PACSIN2: variants seen among roughly 807,000 people sequenced by gnomAD.
PACSIN2 encodes the protein protein kinase C and casein kinase substrate in neurons 2.
PACSIN2 carries 25 observed loss-of-function variants against 63.8 expected under a neutral mutation model. That is an observed-to-expected ratio of 0.39 (90% CI 0.29 to 0.55). PACSIN2 has a LOEUF of 0.55. Among genes scored for constraint, PACSIN2 ranks in the 20% least tolerant of loss-of-function variants. The probability of loss-of-function intolerance (pLI) is 0.62; values close to 1 mark genes in which losing one functional copy is unlikely to be tolerated. For synonymous variants in PACSIN2, 255 were observed against 256.2 expected (o/e 1.00, Z 0.05); for missense variants, 518 against 646.9 (o/e 0.80, Z 2.16).
intron 2 of PACSIN2, among the ~76,000 whole-genome samples, chr22:42,898,179 C>T (rs935832865): frequency 3.3e-5 from 5 of 152,180 alleles, no homozygotes; most frequent in Middle Eastern, 3.4e-3. Context: ...GGACAAAGGT[C>T]GTGGGAATCC....
intron 1 of PACSIN2, among the ~76,000 whole-genome samples, chr22:42,993,406 C>T (rs911131257): frequency 6.6e-6 from 1 of 152,114 alleles, no homozygotes; most frequent in Non-Finnish European, 1.5e-5. Flanking sequence ...CAAAACTTAT[C>T]GCCTGTTCAT....
intron 1 of PACSIN2, among the ~76,000 whole-genome samples, chr22:42,982,918 A>G (rs1922323498): frequency 6.9e-6 from 1 of 145,016 alleles, no homozygotes; most frequent in Non-Finnish European, 1.5e-5. Flanking sequence ...GCAGTGGCTC[A>G]CACCTGTAAT....
At chr22:42,938,508 G>A (rs1411191019) in intron 1 of PACSIN2, among the ~76,000 whole-genome samples, 2 of 152,216 alleles carry the variant, frequency 1.3e-5, no homozygotes, top group Non-Finnish European at 2.9e-5. Flanking sequence ...AGCAGGTAGG[G>A]AATCTTTTTC....
At chr22:42,926,173 A>G (rs1035315869) in intron 1 of PACSIN2, among the ~76,000 whole-genome samples, 2 of 152,224 alleles carry the variant, frequency 1.3e-5, no homozygotes, top group African/African-American at 2.4e-5. Flanking sequence ...AAAGTGACTT[A>G]TATCTCTCTG....
At chr22:42,971,896 C>T (rs1365403617) in intron 1 of PACSIN2, among the ~76,000 whole-genome samples, 1 of 145,894 alleles carries the variant, frequency 6.9e-6, no homozygotes, top group Non-Finnish European at 1.5e-5. Flanking sequence ...AGGTGGGGGG[C>T]AGCCTCCACC....
intron 1 of PACSIN2, among the ~76,000 whole-genome samples, chr22:42,951,599 C>T (rs183281639): frequency 1.3e-5 from 2 of 152,332 alleles, no homozygotes; most frequent in East Asian, 3.9e-4. Flanking sequence ...CACAGCTGCT[C>T]AGGACAAATG....
intron 1 of PACSIN2, among the ~76,000 whole-genome samples, chr22:42,919,289 A>C (rs1436524050): frequency 1.3e-5 from 2 of 152,118 alleles, no homozygotes; most frequent in Admixed American, 1.3e-4. Flanking sequence ...GCAGTACAAC[A>C]TGGGCTCTCA....
At position 42,888,859 on chromosome 22, in the gene PACSIN2, G is replaced by A. The variant is rs1929689208; in HGVS notation, c.454-61C>T. On this transcript the variant is annotated intron_variant, in intron 4 of 10. Coordinates refer to ENST00000263246, the MANE Select transcript of PACSIN2 (RefSeq NM_001184970.3). ...TGGGAGTTCAGGATCCTCACTAGAA[G>A]TCACACAGACCATGGGAATGCTTGT... The A allele has an allele frequency of 2.6e-6, 4 of 1,544,846 alleles. 1 individual carries two copies. The Admixed American group carries it at 6.7e-5, about 26-fold the overall frequency.
chr22:42,889,373 T>TACACACACACATACACAC (rs68042145), intron 4 of PACSIN2, among the ~76,000 whole-genome samples: 3,100 of 122,516 alleles, frequency 0.025, 39 homozygotes, highest in African/African-American at 0.036. Context: ...TAATGGTTTT[T>TACACACACACATACACAC]ACACACACAC....
At chr22:42,949,670 A>G (rs1933592074) in intron 1 of PACSIN2, among the ~76,000 whole-genome samples, 1 of 151,692 alleles carries the variant, frequency 6.6e-6, no homozygotes, top group Non-Finnish European at 1.5e-5. Flanking sequence ...CCCACTACAC[A>G]CACACATACA....
At chr22:42,872,319 T>C (rs1928216469) in intron 10 of PACSIN2, among the ~76,000 whole-genome samples, 1 of 152,222 alleles carries the variant, frequency 6.6e-6, no homozygotes. Context: ...GGCAGGGGCC[T>C]GTGTGCTTCT....
intron 1 of PACSIN2, among the ~76,000 whole-genome samples, chr22:42,947,971 C>G (rs892982923): frequency 4.7e-4 from 72 of 152,326 alleles, no homozygotes; most frequent in Non-Finnish European, 2.5e-4. Context: ...ACTTGAACAA[C>G]CTCCTCCAAC....
chr22:42,973,918 A>C (rs1448523520), intron 1 of PACSIN2, among the ~76,000 whole-genome samples: 1 of 152,264 alleles, frequency 6.6e-6, no homozygotes, highest in Non-Finnish European at 1.5e-5. Flanking sequence ...TCAGGTGTGG[A>C]TGCCAAGTAC....
chr22:42,990,589 A>G (rs546590761), intron 1 of PACSIN2, among the ~76,000 whole-genome samples: 1 of 152,352 alleles, frequency 6.6e-6, no homozygotes, highest in South Asian at 2.1e-4. Context: ...GGATGAGTTC[A>G]GCAGGCAAAG....
At chr22:42,947,537 G>A (rs1004662612) in intron 1 of PACSIN2, among the ~76,000 whole-genome samples, 1 of 152,186 alleles carries the variant, frequency 6.6e-6, no homozygotes, top group African/African-American at 2.4e-5. Context: ...CTCAAGAGGA[G>A]CTGAAGCCCT....
intron 1 of PACSIN2, among the ~76,000 whole-genome samples, chr22:42,917,835 G>C (rs879870438): frequency 6.6e-6 from 1 of 151,718 alleles, no homozygotes; most frequent in African/African-American, 2.4e-5. Flanking sequence ...ATGTTGCCCC[G>C]GCTGGCCTTT....
chr22:42,990,993 A>C lies in PACSIN2; in HGVS notation c.-78+24028T>G, dbSNP rs542855954. Among the ~76,000 whole-genome samples the C allele has an allele frequency of 1.8e-4, 27 of 152,276 alleles. No individual in the cohort carries two copies. The East Asian group carries it at 5.2e-3, about 29-fold the overall frequency. The stretch of plus-strand genomic sequence containing the variant: ...GCAGCCACCTCACAACGCTGTTGTG[A>C]GGACTCAACGGGTTCTATACACAAA... On this transcript the variant is annotated intron_variant, in intron 1 of 10. Transcript: ENST00000263246.
At chr22:42,980,468 C>A (rs924608771) in intron 1 of PACSIN2, among the ~76,000 whole-genome samples, 1 of 143,658 alleles carries the variant, frequency 7.0e-6, no homozygotes, top group Non-Finnish European at 1.5e-5. Context: ...ACAAACAACC[C>A]TCTCCCTCTC....
intron 2 of PACSIN2, among the ~76,000 whole-genome samples, chr22:42,907,668 T>C (rs1931171804): frequency 6.6e-6 from 1 of 152,258 alleles, no homozygotes; most frequent in African/African-American, 2.4e-5. Flanking sequence ...TGAGGTGGTA[T>C]TGACATTCGC....
Sources: gnomAD v4.1 joint callset for allele counts (sites outside exome capture counted in the v4.1 genomes callset) on GRCh38, gnomAD v4.1.1 for gene constraint, MANE v1.5 for transcripts, NCBI Gene and HGNC (gene_info 2026-07-23, HGNC 2026-07-21) for gene names.